Variants in TMEM132D observed in about 807,000 individuals in gnomAD.
The protein encoded by TMEM132D is mature OL transmembrane protein.
Under a neutral mutation model 62.3 loss-of-function variants are expected in TMEM132D, and 21 were observed. The observed-to-expected ratio is 0.34, with a 90% CI of 0.24 to 0.49. TMEM132D has a LOEUF of 0.49. Among genes scored for constraint, TMEM132D ranks in the 20% least tolerant of loss-of-function variants. TMEM132D has a pLI of 0.99. For missense variants in TMEM132D, 1,346 were observed against 1,402.8 expected, an observed-to-expected ratio of 0.96 and a Z score of 0.65; for synonymous variants, 621 against 575.6, an observed-to-expected ratio of 1.08 and a Z score of -1.13.
At chr12:129,158,207 C>T (rs549302787) in intron 5 of TMEM132D, among the ~76,000 whole-genome samples, 1 of 152,092 alleles carries the variant, frequency 6.6e-6, no homozygotes, top group Non-Finnish European at 1.5e-5. Flanking sequence ...GAGGACTGCT[C>T]TAAGATGCAT....
chr12:129,364,437 TGAG>T (rs1448030393), intron 3 of TMEM132D, among the ~76,000 whole-genome samples: 1 of 152,212 alleles, frequency 6.6e-6, no homozygotes, highest in African/African-American at 2.4e-5. Flanking sequence ...GTTGATGAAC[TGAG>T]ATCATTTATG....
At chr12:129,395,850 C>T (rs1871412122) in intron 3 of TMEM132D, among the ~76,000 whole-genome samples, 1 of 105,828 alleles carries the variant, frequency 9.4e-6, no homozygotes, top group South Asian at 3.8e-4. Context: ...TATATTGATA[C>T]ATTGATATGT....
At chr12:129,386,831 C>T (rs1395711794) in intron 3 of TMEM132D, among the ~76,000 whole-genome samples, 1 of 151,982 alleles carries the variant, frequency 6.6e-6, no homozygotes, top group Non-Finnish European at 1.5e-5. Context: ...GATGCCAACA[C>T]TATCACTAAC....
At chr12:129,365,479 C>A (rs539884162) in intron 3 of TMEM132D, among the ~76,000 whole-genome samples, 14 of 152,008 alleles carry the variant, frequency 9.2e-5, no homozygotes, top group African/African-American at 1.5e-4. Flanking sequence ...AATAAATGCC[C>A]GTCTTAGGAG....
intron 5 of TMEM132D, chr12:129,109,552 G>A (rs1565966878): frequency 1.3e-5 from 2 of 152,406 alleles, no homozygotes; most frequent in East Asian, 1.9e-4. Context: ...CATGTTGTGG[G>A]AGGGACCCAG....
intron 3 of TMEM132D, among the ~76,000 whole-genome samples, chr12:129,362,732 G>A (rs1870287739): frequency 1.3e-5 from 2 of 152,060 alleles, no homozygotes; most frequent in Non-Finnish European, 2.9e-5. Flanking sequence ...TTTCTGCTCA[G>A]CATCTGTGAT....
rs563259049 is a variant in TMEM132D at position 129,180,666 on chromosome 12, A to C, written c.1443+28854T>G. On this transcript the variant is annotated intron_variant, in intron 5 of 8. Coordinates refer to ENST00000422113, the MANE Select transcript of TMEM132D (RefSeq NM_133448.3). ...GCAGTCAGGAAAGGCCTTTTTGAGA[A>C]GGTGACATTTGGACCCAAATGACAC... Among the ~76,000 whole-genome samples the C allele has an allele frequency of 2.6e-5, 4 of 152,346 alleles. No homozygotes were observed. The South Asian group carries it at 8.3e-4, about 32-fold the overall frequency.
chr12:129,295,237 A>C (rs189921740), intron 4 of TMEM132D, among the ~76,000 whole-genome samples: 4 of 151,038 alleles, frequency 2.6e-5, no homozygotes, highest in Non-Finnish European at 5.9e-5. Context: ...CTGGCTAGAC[A>C]CTACGGAACA....
intron 2 of TMEM132D, among the ~76,000 whole-genome samples, chr12:129,584,704 C>A (rs1223188750): frequency 6.6e-6 from 1 of 152,208 alleles, no homozygotes; most frequent in Non-Finnish European, 1.5e-5. Flanking sequence ...TTGGCTTCAA[C>A]CTGTGGGTTG....
intron 1 of TMEM132D, among the ~76,000 whole-genome samples, chr12:129,731,955 C>T (rs1869262095): frequency 6.6e-6 from 1 of 152,190 alleles, no homozygotes; most frequent in Non-Finnish European, 1.5e-5. Context: ...AGCCACCGTG[C>T]CCGGCCAGAA....
intron 3 of TMEM132D, among the ~76,000 whole-genome samples, chr12:129,505,487 C>T (rs1875302870): frequency 6.6e-6 from 1 of 152,144 alleles, no homozygotes; most frequent in South Asian, 2.1e-4. Flanking sequence ...TTGTGATCCG[C>T]CCACCTCGGC....
At chr12:129,823,993 G>A (rs930840693) in intron 1 of TMEM132D, among the ~76,000 whole-genome samples, 6 of 152,056 alleles carry the variant, frequency 3.9e-5, no homozygotes, top group African/African-American at 7.2e-5. Context: ...GCTTCTCATC[G>A]GTGAAGTCAT....
intron 2 of TMEM132D, among the ~76,000 whole-genome samples, chr12:129,582,369 A>T (rs758292740): frequency 1.3e-5 from 2 of 151,964 alleles, no homozygotes; most frequent in Non-Finnish European, 2.9e-5. Context: ...CCTGGTACTT[A>T]CCCCCCAGAG....
intron 1 of TMEM132D, among the ~76,000 whole-genome samples, chr12:129,836,574 G>A (rs993300760): frequency 6.6e-6 from 1 of 151,984 alleles, no homozygotes; most frequent in Non-Finnish European, 1.5e-5. Flanking sequence ...CCAAGTATAT[G>A]CTACATTTCA....
At chr12:129,530,715 C>T (rs12309526) in intron 3 of TMEM132D, among the ~76,000 whole-genome samples, 3,624 of 152,124 alleles carry the variant, frequency 0.024, 155 homozygotes, top group African/African-American at 0.082. Context: ...CAAAATGGGC[C>T]GTTTCATGAG....
rs151323213 is a variant in TMEM132D, at chr12:129,555,357, G to A, written c.969-24152C>T. Among the ~76,000 whole-genome samples the A allele has an allele frequency of 9.9e-4, 151 of 152,326 alleles. 1 individual carries two copies. Among genetic ancestry groups the A allele is most frequent in the African/African-American group, 3.3e-3 (139 of 41,576 alleles). On this transcript the variant is annotated intron_variant, in intron 2 of 8. Transcript: ENST00000422113. ...AGTACCTTTCACGGAACAAGCCTAA[G>A]GTGGGATGAAAGTTGGGTCTACAGA...
At chr12:129,651,006 C>T (rs1331385028) in intron 2 of TMEM132D, among the ~76,000 whole-genome samples, 1 of 152,182 alleles carries the variant, frequency 6.6e-6, no homozygotes, top group Non-Finnish European at 1.5e-5. Flanking sequence ...TCCAACACAT[C>T]ATTTCAAAAT....
rs553602047 is a variant in TMEM132D at position 129,123,867 on chromosome 12, C to T, written c.1444-39165G>A. Among the ~76,000 whole-genome samples the T allele has an allele frequency of 2.6e-5, 4 of 152,260 alleles. No homozygotes were observed. The South Asian group carries it at 8.3e-4, about 32-fold the overall frequency. On this transcript the variant is annotated intron_variant, in intron 5 of 8. Transcript: ENST00000422113. ...AACAGTGCCCCTCCTGATTCTCAGG[C>T]CTTTGGATTCAGAATGCGAGTTACA...
At chr12:129,206,038 A>G (rs1229133556) in intron 5 of TMEM132D, among the ~76,000 whole-genome samples, 1 of 152,174 alleles carries the variant, frequency 6.6e-6, no homozygotes, top group Non-Finnish European at 1.5e-5. Flanking sequence ...TGGACACAGA[A>G]CTTGGCAAAG....
Sources: gnomAD v4.1 joint callset for allele counts (sites outside exome capture counted in the v4.1 genomes callset) on GRCh38, gnomAD v4.1.1 for gene constraint, MANE v1.5 for transcripts, NCBI Gene and HGNC (gene_info 2026-07-23, HGNC 2026-07-21) for gene names.